PKD1L3: variants seen among roughly 807,000 people sequenced by gnomAD.
The protein encoded by PKD1L3 is polycystin-1-like protein 3.
In PKD1L3, 239 loss-of-function variants were observed where a neutral mutation model predicts 184.1. That is an observed-to-expected ratio of 1.30 (90% confidence interval 1.17 to 1.45). The LOEUF (loss-of-function observed/expected upper bound fraction) is 1.45. PKD1L3 is among the 40% of genes most tolerant of loss of function. The pLI, the probability that PKD1L3 is intolerant of heterozygous loss-of-function variation, is 0.00. For missense variants in PKD1L3, 2,660 were observed against 2,067.2 expected (o/e 1.29, Z -5.56); for synonymous variants, 996 against 778.8 (o/e 1.28, Z -4.64).
chr16:71,969,739 A>T, intron 13 of PKD1L3, 136 bp downstream of exon 13: 1 of 781,944 alleles, frequency 1.3e-6, no homozygotes, highest in South Asian at 2.0e-5. Context: ...AGATAAATTT[A>T]AGAAAAGTTT....
Position 71,949,778 on chromosome 16 carries a change from C to G in PKD1L3, c.3618+5G>C. On this transcript the variant is annotated splice_donor_5th_base_variant and intron_variant, in intron 21 of 29. Transcript: ENST00000620267. ...CTCCAATGGTTCTTCCCATCCCTCA[C>G]ATACCTTTACTGGCTGGCTGATGAA... is the stretch of plus-strand genomic sequence containing the variant. The G allele has an allele frequency of 6.5e-7, 1 of 1,548,348 alleles. No individual in the cohort carries two copies. Among genetic ancestry groups the G allele is most frequent in the Non-Finnish European group, 8.7e-7 (1 of 1,145,194 alleles).
At chr16:71,943,910 G>C in intron 23 of PKD1L3, 120 bp downstream of exon 23, 2 of 1,192,164 alleles carry the variant, frequency 1.7e-6, no homozygotes, top group Non-Finnish European at 2.3e-6. Flanking sequence ...AATCTCACAG[G>C]GTGAAGATTT....
At chr16:71,930,921 T>C (rs1192658089) in intron 28 of PKD1L3, 2 of 152,202 alleles carry the variant, frequency 1.3e-5, no homozygotes, top group African/African-American at 4.8e-5. Flanking sequence ...TGGAAATCTA[T>C]ATGGCAAAAT....
intron 2 of PKD1L3, among the ~76,000 whole-genome samples, chr16:71,996,978 G>C (rs1342205810): frequency 7.1e-6 from 1 of 140,556 alleles, no homozygotes; most frequent in Non-Finnish European, 1.5e-5. Flanking sequence ...TTTTCTCCTT[G>C]AGTTAGAAAG....
At chr16:71,981,911 T>A in intron 7 of PKD1L3, 148 bp downstream of exon 7, 1 of 874,256 alleles carries the variant, frequency 1.1e-6, no homozygotes, top group Non-Finnish European at 1.6e-6. Context: ...AGGGAGACCT[T>A]GGAGAAGGCA....
chr16:71,997,411 A>AC (rs113598590), intron 2 of PKD1L3, among the ~76,000 whole-genome samples: 1,858 of 140,268 alleles, frequency 0.013, 15 homozygotes, highest in South Asian at 0.022. Flanking sequence ...ACATAACAAG[A>AC]CCCCCCCCCC....
Position 71,942,675 on chromosome 16 carries a change from A to G in PKD1L3, c.4209T>C (p.His1403=). Residue 1403 remains histidine, a synonymous_variant, in exon 24 of 30, where the codon CAT becomes CAC. Coordinates refer to ENST00000620267, the MANE Select transcript of PKD1L3 (RefSeq NM_181536.2). ...GRPKSLFPGL[H]LRRFSYICSP... is the part of the protein sequence containing the mutation. Reference sequence around the variant, plus strand: ...AACAGATGTAACTGAACCTCCTTAGATGAAGTCCAGGGAATAGGCTCTTGG... The same window carrying G: ...AACAGATGTAACTGAACCTCCTTAGGTGAAGTCCAGGGAATAGGCTCTTGG... 2 of 1,551,734 alleles carry G rather than the reference A, an allele frequency of 1.3e-6. No individual in the cohort carries two copies. Among genetic ancestry groups the G allele is most frequent in the Non-Finnish European group, 1.7e-6 (2 of 1,147,016 alleles).
intron 22 of PKD1L3, among the ~76,000 whole-genome samples, chr16:71,945,323 TATATACACACACACACAC>T (rs1567498544): frequency 6.3e-5 from 4 of 63,866 alleles, no homozygotes; most frequent in South Asian, 8.0e-4. Context: ...CACACACACA[TATATACACACACACACAC>T]ATATATTTAT....
At chr16:71,994,067 T>C (rs2040692680) in intron 2 of PKD1L3, among the ~76,000 whole-genome samples, 1 of 152,176 alleles carries the variant, frequency 6.6e-6, no homozygotes, top group African/African-American at 2.4e-5. Flanking sequence ...ACCACGCCCG[T>C]CTGGCAATAA....
At chr16:71,978,415 T>C (rs754915642) in intron 9 of PKD1L3, 32 bp from the exon 10 acceptor site, 27 of 1,531,288 alleles carry the variant, frequency 1.8e-5, no homozygotes, top group Middle Eastern at 1.7e-4. Context: ...GTTTTATCCA[T>C]TGCTGAAATA....
intron 27 of PKD1L3, 83 bp from the exon 28 acceptor site, chr16:71,933,604 A>G: frequency 9.8e-7 from 1 of 1,020,510 alleles, no homozygotes; most frequent in Non-Finnish European, 1.5e-6. Context: ...TGGCCAACAT[A>G]GAAGCAATGG....
intron 18 of PKD1L3, among the ~76,000 whole-genome samples, chr16:71,952,385 ATTT>A (rs1223786646): frequency 1.3e-5 from 2 of 150,016 alleles, no homozygotes; most frequent in Non-Finnish European, 3.0e-5. Context: ...GCTAATTATT[ATTT>A]TTTTGTCTTT....
intron 16 of PKD1L3, among the ~76,000 whole-genome samples, chr16:71,956,310 C>T (rs2143447201): frequency 6.9e-6 from 1 of 144,676 alleles, no homozygotes; most frequent in South Asian, 2.2e-4. Context: ...CCTTCTGTGT[C>T]AGCCTCCCAA....
chr16:71,967,142 G>A lies in PKD1L3; in HGVS notation c.2460C>T (p.Pro820=). 3 of 1,551,544 alleles carry A rather than the reference G, an allele frequency of 1.9e-6. No homozygotes were observed. The highest frequency in any genetic ancestry group is 2.6e-6 in the Non-Finnish European group (3 of 1,146,844). ...AACAGGATATAAGTACTCACCAGGA[G>A]GGACTGACGCCAGAATTGTCATGCC... ...RLWHDNSGVS[P]SWYVSQVIVC... Residue 820 remains proline, a synonymous_variant, in exon 15 of 30, where the codon CCC becomes CCT. Coordinates refer to ENST00000620267, the MANE Select transcript of PKD1L3 (RefSeq NM_181536.2).
Position 71,986,373 on chromosome 16 carries a change from G to T in PKD1L3, c.682C>A (p.Pro228Thr), listed in dbSNP as rs1306501532. 2 of 1,551,178 alleles carry T rather than the reference G, an allele frequency of 1.3e-6. No individual in the cohort carries two copies. The highest frequency in any genetic ancestry group is 3.9e-5 in the Admixed American group (2 of 50,986). Residue 228 changes from proline (P) to threonine (T), a missense_variant, in exon 5 of 30, where the codon CCT becomes ACT. Physicochemically the swap from Pro to Thr is conservative, Grantham distance 38. Coordinates refer to ENST00000620267, the MANE Select transcript of PKD1L3 (RefSeq NM_181536.2). ...TSAASEPSSQPLPVITQLTMP... is the reference protein window; with the variant it reads ...TSAASEPSSQTLPVITQLTMP... The stretch of plus-strand genomic sequence containing the variant: ...GTGAGCTGTGTTATCACAGGGAGAG[G>T]CTGGCTGCTGGGTTCAGATGCGGCT...
At chr16:71,945,830 T>C (rs866574755) in intron 22 of PKD1L3, among the ~76,000 whole-genome samples, 56 of 152,094 alleles carry the variant, frequency 3.7e-4, no homozygotes, top group Middle Eastern at 3.2e-3. Flanking sequence ...ACATTTGACA[T>C]TTGTTTTGAA....
intron 7 of PKD1L3, among the ~76,000 whole-genome samples, chr16:71,980,618 G>C (rs2040111527): frequency 6.6e-6 from 1 of 152,110 alleles, no homozygotes; most frequent in Non-Finnish European, 1.5e-5. Flanking sequence ...TGGGTCACTT[G>C]AGGTCAAAAG....
chr16:71,964,707 T>C (rs2039430185), intron 15 of PKD1L3, among the ~76,000 whole-genome samples: 1 of 151,892 alleles, frequency 6.6e-6, no homozygotes. Context: ...AAGCTCCCTA[T>C]CCCTCCTTCC....
intron 24 of PKD1L3, among the ~76,000 whole-genome samples, chr16:71,939,005 G>A (rs901458475): frequency 6.6e-6 from 1 of 152,216 alleles, no homozygotes; most frequent in African/African-American, 2.4e-5. Flanking sequence ...TGGCCCTTTG[G>A]GGGAGCCCAG....
Sources: allele counts gnomAD v4.1 joint callset (sites outside exome capture counted in the v4.1 genomes callset), GRCh38; gene constraint gnomAD v4.1.1; transcripts MANE v1.5; gene names NCBI Gene and HGNC (gene_info 2026-07-23, HGNC 2026-07-21).